Variants in EPHA10 observed in about 807,000 individuals in gnomAD.
The protein encoded by EPHA10 is ephrin type-A receptor 10.
EPHA10 carries 120 observed loss-of-function variants against 109.7 expected under a neutral mutation model. That is an observed-to-expected ratio of 1.09 (90% CI 0.94 to 1.27). The LOEUF is 1.27. Ranked by LOEUF, EPHA10 falls within the 50% of genes most tolerant of loss-of-function variation. EPHA10 has a pLI of 0.00. For synonymous variants in EPHA10, 640 were observed against 618.9 expected (o/e 1.03, Z -0.51); for missense variants, 1,396 against 1,411.1 (o/e 0.99, Z 0.17).
Position 37,754,113 on chromosome 1 carries a change from C to G in EPHA10, c.1006+102G>C, listed in dbSNP as rs1159473999. On this transcript the variant is annotated intron_variant, in intron 4 of 16. Coordinates refer to ENST00000373048, the MANE Select transcript of EPHA10 (RefSeq NM_001099439.2). This position sits in a 1 kb window ranked among gnomAD's most constrained non-coding sequence, Gnocchi z 4.5. Reference sequence around the variant, plus strand: ...GCCCCCATATCCGCCCACGTGCGCCCCAGTGCGGAGACCCTGCCCTCACCA... The same window carrying G: ...GCCCCCATATCCGCCCACGTGCGCCGCAGTGCGGAGACCCTGCCCTCACCA... 3 of 1,193,480 alleles carry G rather than the reference C, an allele frequency of 2.5e-6. No individual in the cohort carries two copies. The highest frequency in any genetic ancestry group is 8.5e-5 in the Admixed American group (2 of 23,666). 73.9% of individuals were successfully genotyped at this position (1,193,480 alleles called of 1,614,324 possible). A position where few individuals can be genotyped will look rare whatever the true frequency, so the allele number is the denominator to read the frequency against.
chr1:37,736,318 A>G (rs1045110324), intron 5 of EPHA10, among the ~76,000 whole-genome samples: 2 of 152,106 alleles, frequency 1.3e-5, no homozygotes, highest in Non-Finnish European at 2.9e-5. Context: ...TCTGCTAAAG[A>G]AATGCAAAAT....
intron 5 of EPHA10, among the ~76,000 whole-genome samples, chr1:37,740,662 C>G (rs1266079500): frequency 6.6e-6 from 1 of 152,060 alleles, no homozygotes; most frequent in Non-Finnish European, 1.5e-5. Context: ...GTTTGAGAAC[C>G]GCCAGTCTGG....
intron 1 of EPHA10, 109 bp from the exon 2 acceptor site, chr1:37,762,958 T>C: frequency 9.5e-7 from 1 of 1,050,310 alleles, no homozygotes; most frequent in Non-Finnish European, 1.4e-6. Flanking sequence ...ATGCAATATG[T>C]GACAAATGAT....
chr1:37,763,234 T>C (rs537904827), intron 1 of EPHA10, among the ~76,000 whole-genome samples: 1 of 152,152 alleles, frequency 6.6e-6, no homozygotes, highest in Non-Finnish European at 1.5e-5. Context: ...AGGGGAGAAC[T>C]CATGTCCTTA....
rs571328701 is a variant in EPHA10, at chr1:37,722,974, G to C, written c.1960+67C>G. On this transcript the variant is annotated intron_variant, in intron 10 of 16. Coordinates refer to ENST00000373048, the MANE Select transcript of EPHA10 (RefSeq NM_001099439.2). ...TCAGGATAGAGGTGTGGACAGAGTA[G>C]GGGCGGGGCCTATAGAGTGGGTGAG... 10 of 1,611,006 alleles carry C rather than the reference G, an allele frequency of 6.2e-6. No homozygotes were observed. The African/African-American group carries it at 1.2e-4, about 19-fold the overall frequency.
At position 37,719,406 on chromosome 1, in the gene EPHA10, G is replaced by A. The variant is rs373587096; in HGVS notation, c.2756+8C>T. 147 of 1,609,736 alleles carry A rather than the reference G, an allele frequency of 9.1e-5. No homozygotes were observed. Among genetic ancestry groups the A allele is most frequent in the Non-Finnish European group, 1.2e-4 (143 of 1,178,938 alleles). On this transcript the variant is annotated splice_region_variant and intron_variant, in intron 15 of 16. Transcript: ENST00000373048. ...GTGAGAGGCTGGCTGTCCCATGTGG[G>A]AACGTACCTGGGACAGGTAGTCAGG... is the stretch of plus-strand genomic sequence containing the variant.
At chr1:37,736,099 C>T (rs1646065419) in intron 5 of EPHA10, among the ~76,000 whole-genome samples, 2 of 152,076 alleles carry the variant, frequency 1.3e-5, no homozygotes, top group African/African-American at 4.8e-5. Flanking sequence ...TGTAGAAAAC[C>T]CTAAAGATTC....
At chr1:37,758,241 G>A (rs554050098) in intron 3 of EPHA10, among the ~76,000 whole-genome samples, 3 of 152,246 alleles carry the variant, frequency 2.0e-5, no homozygotes, top group Admixed American at 6.5e-5. Context: ...TCCTGGGACC[G>A]GGATGGGGAT....
rs550939997 is a variant in EPHA10 at position 37,754,064 on chromosome 1, C to T, written c.1006+151G>A. 4 of 898,294 alleles carry T rather than the reference C, an allele frequency of 4.5e-6. No homozygotes were observed. Among genetic ancestry groups the T allele is most frequent in the Non-Finnish European group, 5.9e-6 (4 of 681,678 alleles). 55.6% of individuals were successfully genotyped at this position (898,294 alleles called of 1,614,324 possible). On this transcript the variant is annotated intron_variant, in intron 4 of 16. Transcript: ENST00000373048. This position sits in a 1 kb window ranked among gnomAD's most constrained non-coding sequence, Gnocchi z 4.5. Reference sequence around the variant, plus strand: ...AGGGCGCGTCCAGGCTCCGCTCCCCCGTACGCCGCCTTCCGGGGCGCTGGC... The same window carrying T: ...AGGGCGCGTCCAGGCTCCGCTCCCCTGTACGCCGCCTTCCGGGGCGCTGGC...
In EPHA10 at chr1:37,717,232, G is replaced by A. The variant is rs1645707367; in HGVS notation, c.*1140C>T. 4 of 232,852 alleles carry A rather than the reference G, an allele frequency of 1.7e-5. 1 individual carries two copies. Among genetic ancestry groups the A allele is most frequent in the African/African-American group, 4.4e-5 (2 of 45,452 alleles). The allele number at this position is 232,852 out of a possible 1,614,324, so 14.4% of individuals were successfully genotyped here. A position where few individuals can be genotyped will look rare whatever the true frequency, so the allele number is the denominator to read the frequency against. Reference sequence around the variant, plus strand: ...GCTCAGCACAACCACTTCTGCCAGGGCTCTTCAAAGTCAGAGCAGGGAGGG... The same window carrying A: ...GCTCAGCACAACCACTTCTGCCAGGACTCTTCAAAGTCAGAGCAGGGAGGG... On this transcript the variant is annotated 3_prime_UTR_variant, in exon 17 of 17. Transcript: ENST00000373048.
Position 37,718,356 on chromosome 1 carries a change from G to C in EPHA10, c.*16C>G. 3.2e-6 allele frequency: 5 copies of C among 1,583,926 alleles called. No individual in the cohort carries two copies. Among genetic ancestry groups the C allele is most frequent in the African/African-American group, 1.3e-5 (1 of 74,422 alleles). On this transcript the variant is annotated 3_prime_UTR_variant, in exon 17 of 17. Coordinates refer to ENST00000373048, the MANE Select transcript of EPHA10 (RefSeq NM_001099439.2). ...GGACCCCCACCGGAGTCCTGCCTTG[G>C]AAGAATGGGGTCCACTCACACCTGC...
rs572328372 is a variant in EPHA10, at chr1:37,719,437, C to T, written c.2733G>A (p.Lys911=). 1.9e-6 allele frequency: 3 copies of T among 1,613,428 alleles called. No individual in the cohort carries two copies. The African/African-American group carries it at 4.0e-5, about 22-fold the overall frequency. The part of the protein sequence containing the change: ...SKMVQDPEPP[K]CALTTCPRPP... ...ACCTGGGACAGGTAGTCAGGGCACACTTGGGGGGCTCTGGGTCCTGCACCA... is the reference window on the plus strand; with the variant it reads ...ACCTGGGACAGGTAGTCAGGGCACATTTGGGGGGCTCTGGGTCCTGCACCA... Residue 911 remains lysine (K), a synonymous_variant, in exon 15 of 17, where the codon AAG becomes AAA. Coordinates refer to ENST00000373048, the MANE Select transcript of EPHA10 (RefSeq NM_001099439.2).
chr1:37,758,730 C>A (rs1464091152), intron 3 of EPHA10, among the ~76,000 whole-genome samples: 1 of 152,144 alleles, frequency 6.6e-6, no homozygotes. Flanking sequence ...CTTCTTACCC[C>A]ACACGTTCTC....
intron 5 of EPHA10, 27 bp from the exon 6 acceptor site, chr1:37,735,417 C>T (rs1429372355): frequency 6.4e-7 from 1 of 1,568,236 alleles, no homozygotes; most frequent in Non-Finnish European, 8.6e-7. Context: ...TGGGATTCTC[C>T]ACCTTGACCC....
In EPHA10 at chr1:37,761,991, C is replaced by T. The variant is rs1461862239; in HGVS notation, c.264G>A (p.Leu88=). The T allele has an allele frequency of 6.2e-7, 1 of 1,614,194 alleles. No individual in the cohort carries two copies. Among genetic ancestry groups the T allele is most frequent in the East Asian group, 2.2e-5 (1 of 44,886 alleles). The part of the protein sequence containing the change: ...NVLEPNQDNW[L]QTGWISRGRG... The stretch of plus-strand genomic sequence containing the variant: ...GGCCACGGCTTATCCAGCCAGTCTG[C>T]AGCCAGTTGTCCTGGTTGGGCTCCA... The change falls in exon 3 of 17, where the codon CTG becomes CTA. Residue 88 remains leucine (L), a synonymous_variant. Coordinates refer to ENST00000373048, the MANE Select transcript of EPHA10 (RefSeq NM_001099439.2).
At chr1:37,734,200 G>A (rs564862719) in intron 6 of EPHA10, among the ~76,000 whole-genome samples, 30 of 152,294 alleles carry the variant, frequency 2.0e-4, no homozygotes, top group Non-Finnish European at 3.1e-4. Context: ...TTGCACCAAG[G>A]TGAGAAACAG....
At position 37,718,818 on chromosome 1, in the gene EPHA10, T is replaced by C. The variant is rs1469352803; in HGVS notation, c.2757-2A>G. ...CGGTCCGCTAGTGGGGTGGGAGGCC[T>C]GCGGGTCAGAGGAGCTGTGCTCAAC... On this transcript the variant is annotated splice_acceptor_variant, in intron 15 of 16. Coordinates refer to ENST00000373048, the MANE Select transcript of EPHA10 (RefSeq NM_001099439.2). LOFTEE classifies it high-confidence loss of function. 4 of 1,608,298 alleles carry C rather than the reference T, an allele frequency of 2.5e-6. No homozygotes were observed. The highest frequency in any genetic ancestry group is 3.4e-6 in the Non-Finnish European group (4 of 1,177,674).
Position 37,761,538 on chromosome 1 carries a change from C to A in EPHA10, c.717G>T (p.Thr239=). 1 of 1,598,744 alleles carries A rather than the reference C, an allele frequency of 6.3e-7. No individual in the cohort carries two copies. Among genetic ancestry groups the A allele is most frequent in the Non-Finnish European group, 8.5e-7 (1 of 1,177,380 alleles). ...GCTCCCCTTCCGAGTGCGCCACGCA[C>A]GTTCCGGCCACTTCCACCAGTGTGG... ...AFSTLVEVAG[T]CVAHSEGEPG... Residue 239 remains threonine (T), a synonymous_variant, in exon 3 of 17, where the codon ACG becomes ACT. Transcript: ENST00000373048.
rs564667286 is a variant in EPHA10 at position 37,761,852 on chromosome 1, C to T, written c.403G>A (p.Ala135Thr). 1 of 1,612,976 alleles carries T rather than the reference C, an allele frequency of 6.2e-7. No homozygotes were observed. The highest frequency in any genetic ancestry group is 2.2e-5 in the East Asian group (1 of 44,864). ...CGGGGACGCCCACGGCCCAGGTCGG[C>T]CTCAGTTTCCAGGTAGTAGACGTTG... ...TFNVYYLETE[A>T]DLGRGRPRLG... The change falls in exon 3 of 17, where the codon GCC becomes ACC. Residue 135 changes from alanine (A) to threonine (T), a missense_variant. By Grantham distance (58) the Ala-to-Thr change is moderately conservative (BLOSUM62 0). Coordinates refer to ENST00000373048, the MANE Select transcript of EPHA10 (RefSeq NM_001099439.2).
Sources: allele counts gnomAD v4.1 joint callset (sites outside exome capture counted in the v4.1 genomes callset), GRCh38; gene constraint gnomAD v4.1.1; non-coding constraint Gnocchi (gnomAD v3.1); transcripts MANE v1.5; gene names NCBI Gene and HGNC (gene_info 2026-07-23, HGNC 2026-07-21).